RNF6: variants seen among roughly 807,000 people sequenced by gnomAD.
RNF6 encodes the protein ring finger protein 6.
Under a neutral mutation model 50.1 loss-of-function variants are expected in RNF6, and 21 were observed. The ratio of observed to expected loss-of-function variants is 0.42; its 90% CI spans 0.30 to 0.60. The LOEUF (loss-of-function observed/expected upper bound fraction) is 0.60. RNF6 is among the 20% of genes least tolerant of loss of function. The pLI is 0.20. For missense variants in RNF6, 698 were observed against 838.2 expected (o/e 0.83, Z 2.07); for synonymous variants, 255 against 291.8 (o/e 0.87, Z 1.29).
intron 5 of RNF6, among the ~76,000 whole-genome samples, chr13:26,168,296 T>C (rs1406096451): frequency 6.6e-6 from 1 of 152,220 alleles, no homozygotes; most frequent in Non-Finnish European, 1.5e-5. Context: ...GTAATGGCTA[T>C]GAACAGGAAT....
intron 3 of RNF6, among the ~76,000 whole-genome samples, 176 bp from the exon 4 acceptor site, chr13:26,218,782 G>A (rs908129390): frequency 5.9e-5 from 9 of 152,012 alleles, no homozygotes; most frequent in Non-Finnish European, 7.4e-5. Flanking sequence ...GCATCAATTC[G>A]GTTGTGCTTC....
At chr13:26,145,343 TTGA>T (rs1332727174) in intron 5 of RNF6, among the ~76,000 whole-genome samples, 1 of 152,014 alleles carries the variant, frequency 6.6e-6, no homozygotes, top group East Asian at 1.9e-4. Context: ...TTTCAAGTCC[TTGA>T]TGGGTGATCT....
chr13:26,202,511 A>G (rs1678907609), intron 5 of RNF6, among the ~76,000 whole-genome samples: 2 of 152,226 alleles, frequency 1.3e-5, no homozygotes, highest in African/African-American at 2.4e-5. Context: ...CTGAAATCCT[A>G]AGAACCACTA....
At chr13:26,184,860 A>T (rs1319574498) in intron 5 of RNF6, among the ~76,000 whole-genome samples, 2 of 152,216 alleles carry the variant, frequency 1.3e-5, no homozygotes, top group Non-Finnish European at 2.9e-5. Flanking sequence ...CAGGCGATCC[A>T]AAGCAAATGT....
intron 5 of RNF6, among the ~76,000 whole-genome samples, chr13:26,169,733 T>C (rs997283706): frequency 6.6e-6 from 1 of 152,238 alleles, no homozygotes; most frequent in Non-Finnish European, 1.5e-5. Context: ...CTTTAGTGGA[T>C]GCCTTACTCC....
intron 5 of RNF6, among the ~76,000 whole-genome samples, chr13:26,184,834 G>C (rs1258544139): frequency 1.3e-5 from 2 of 152,088 alleles, no homozygotes; most frequent in African/African-American, 4.8e-5. Flanking sequence ...ATAAATCTGT[G>C]GACTCCTGCA....
chr13:26,165,184 G>T (rs940648374), intron 5 of RNF6, among the ~76,000 whole-genome samples: 1 of 152,216 alleles, frequency 6.6e-6, no homozygotes, highest in African/African-American at 2.4e-5. Context: ...TAGAACTTGG[G>T]ACATGGCTTC....
Position 26,215,534 on chromosome 13 carries a change from G to A in RNF6, c.348C>T (p.Thr116=), listed in dbSNP as rs529271179. 3 of 1,612,688 alleles carry A rather than the reference G, an allele frequency of 1.9e-6. No homozygotes were observed. The South Asian group carries it at 3.3e-5, about 18-fold the overall frequency. The change falls in exon 5 of 5, where the codon ACC becomes ACT. Residue 116 remains threonine, a synonymous_variant. Coordinates refer to ENST00000381588, the MANE Select transcript of RNF6 (RefSeq NM_005977.4). ...GAGTTGCATTTCCTGTGCGCCGAAA[G>A]GTGTTCAACCATTCTAGAAGAGAAT... The part of the protein sequence containing the change: ...HEDSLLEWLN[T]FRRTGNATRS...
intron 5 of RNF6, among the ~76,000 whole-genome samples, chr13:26,172,048 G>A (rs1205505355): frequency 6.6e-6 from 1 of 152,168 alleles, no homozygotes; most frequent in Non-Finnish European, 1.5e-5. Context: ...ATTTTAAAAT[G>A]ATTAAAATGG....
In RNF6 at chr13:26,181,235, C is replaced by T. The variant is rs550819401; in HGVS notation, n.768+34239G>A. On this transcript the variant is annotated intron_variant and non_coding_transcript_variant, in intron 5 of 5. Transcript: ENST00000468480. ...TTCCAGATTAGAGTCGGGGGCTCTG[C>T]CTGGGGTACTACAATGGCCTGAACT... Among the ~76,000 whole-genome samples the T allele has an allele frequency of 1.1e-4, 16 of 152,264 alleles. No homozygotes were observed. The East Asian group carries it at 3.1e-3, about 29-fold the overall frequency.
At chr13:26,139,045 G>C (rs962343270) in intron 5 of RNF6, among the ~76,000 whole-genome samples, 1 of 152,100 alleles carries the variant, frequency 6.6e-6, no homozygotes, top group African/African-American at 2.4e-5. Flanking sequence ...TATCTTATAT[G>C]TTTCGACATC....
At chr13:26,170,127 A>G (rs1192533273) in intron 5 of RNF6, among the ~76,000 whole-genome samples, 1 of 152,166 alleles carries the variant, frequency 6.6e-6, no homozygotes, top group Non-Finnish European at 1.5e-5. Context: ...TTTATACCAG[A>G]GTCCATTAAG....
intron 5 of RNF6, among the ~76,000 whole-genome samples, chr13:26,155,361 T>C (rs1157791000): frequency 1.3e-5 from 2 of 152,126 alleles, no homozygotes; most frequent in Admixed American, 6.5e-5. Flanking sequence ...ATGTTTCTTT[T>C]TTTTTTTTAA....
At chr13:26,200,187 A>G (rs1358995060) in intron 5 of RNF6, among the ~76,000 whole-genome samples, 1 of 152,216 alleles carries the variant, frequency 6.6e-6, no homozygotes, top group African/African-American at 2.4e-5. Context: ...TAAACAGACC[A>G]AGGCAATACC....
At position 26,191,409 on chromosome 13, in the gene RNF6, A is replaced by G. The variant is rs1004412588; in HGVS notation, n.768+24065T>C. On this transcript the variant is annotated intron_variant and non_coding_transcript_variant, in intron 5 of 5. Transcript: ENST00000468480. ...TCTAGTGCAGAGTGGCGGTCAATTA[A>G]TAAATAAGCAGTTAGCTTATTTATT... Among the ~76,000 whole-genome samples, 3 of 152,218 alleles carry G rather than the reference A, an allele frequency of 2.0e-5. 1 individual carries two copies. Among genetic ancestry groups the G allele is most frequent in the African/African-American group, 7.2e-5 (3 of 41,446 alleles).
In RNF6 at chr13:26,187,851, C is replaced by T. The variant is rs7992166; in HGVS notation, n.768+27623G>A. Among the ~76,000 whole-genome samples, 830 of 152,284 alleles carry T rather than the reference C, an allele frequency of 5.5e-3. 6 individuals are homozygous for T. Among genetic ancestry groups the T allele is most frequent in the African/African-American group, 0.019 (784 of 41,556 alleles). ...CAGTCCTCCTGCCTCAGCCTCCCAA[C>T]TAGCTGGGACTACAGGCGTGTGCCA... On this transcript the variant is annotated intron_variant and non_coding_transcript_variant, in intron 5 of 5. Coordinates refer to the RNF6 transcript ENST00000468480.
intron 5 of RNF6, among the ~76,000 whole-genome samples, chr13:26,163,877 C>T (rs1193156602): frequency 1.3e-5 from 2 of 152,180 alleles, no homozygotes; most frequent in Admixed American, 6.5e-5. Context: ...CGCTTAACAG[C>T]CAGGTAACCA....
intron 5 of RNF6, among the ~76,000 whole-genome samples, chr13:26,178,595 T>TGTGC (rs1170648283): frequency 2.4e-4 from 18 of 73,492 alleles, no homozygotes; most frequent in Non-Finnish European, 2.7e-5. Flanking sequence ...CTGGTCCGTG[T>TGTGC]GTGTGTGTGT....
chr13:26,132,551 A>G, intron 5 of RNF6: 1 of 398,296 alleles, frequency 2.5e-6, no homozygotes, highest in South Asian at 1.9e-5. Flanking sequence ...TTATGATAGT[A>G]TCTAAAAATG....
Sources: gnomAD v4.1 joint callset for allele counts (sites outside exome capture counted in the v4.1 genomes callset) on GRCh38, gnomAD v4.1.1 for gene constraint, MANE v1.5 for transcripts, NCBI Gene and HGNC (gene_info 2026-07-23, HGNC 2026-07-21) for gene names.